The following TAOK3 variants were observed in gnomAD, a reference collection of about 807,000 sequenced individuals.
TAOK3 encodes the protein TAO kinase 3, also known as serine/threonine-protein kinase TAO3.
Under a neutral mutation model 120.4 loss-of-function variants are expected in TAOK3, and 40 were observed. That is an observed-to-expected ratio of 0.33 (90% CI 0.26 to 0.43). The LOEUF (loss-of-function observed/expected upper bound fraction) is 0.43. Ranked by LOEUF, TAOK3 falls within the 20% of genes least tolerant of loss-of-function variation. TAOK3 has a pLI of 1.00. For missense variants in TAOK3, 821 were observed against 1,112.1 expected (o/e 0.74, Z 3.72); for synonymous variants, 355 against 387.5 (o/e 0.92, Z 0.99).
chr12:118,299,566 G>C (rs1460503438), intron 1 of TAOK3, among the ~76,000 whole-genome samples: 1 of 152,138 alleles, frequency 6.6e-6, no homozygotes, highest in African/African-American at 2.4e-5. Context: ...ATGGAGTGCA[G>C]TGGCTCGATC....
intron 1 of TAOK3, among the ~76,000 whole-genome samples, chr12:118,314,406 C>T (rs570002170): frequency 1.3e-5 from 2 of 152,196 alleles, no homozygotes; most frequent in African/African-American, 4.8e-5. Context: ...AACTCTAAAA[C>T]AATATCGTGA....
intron 1 of TAOK3, among the ~76,000 whole-genome samples, chr12:118,367,324 G>C (rs2045765522): frequency 6.6e-6 from 1 of 151,654 alleles, no homozygotes; most frequent in African/African-American, 2.4e-5. Context: ...GTATTATGTT[G>C]ATTTATAAAG....
At chr12:118,297,546 C>T (rs2042728278) in intron 1 of TAOK3, among the ~76,000 whole-genome samples, 1 of 152,140 alleles carries the variant, frequency 6.6e-6, no homozygotes, top group South Asian at 2.1e-4. Context: ...CTTGTAGTGA[C>T]CAGCACCAGA....
chr12:118,284,994 G>A (rs1285978534), intron 1 of TAOK3, among the ~76,000 whole-genome samples: 1 of 149,510 alleles, frequency 6.7e-6, no homozygotes, highest in Non-Finnish European at 1.5e-5. Context: ...GATTACTCTG[G>A]CTTTTGCTTC....
chr12:118,174,820 A>G (rs931172398), intron 16 of TAOK3, among the ~76,000 whole-genome samples: 4 of 151,950 alleles, frequency 2.6e-5, no homozygotes, highest in African/African-American at 9.7e-5. Context: ...CCCGCCATCA[A>G]GCTCAGCTAA....
intron 9 of TAOK3, 28 bp from the exon 10 acceptor site, chr12:118,214,138 T>C: frequency 6.4e-7 from 1 of 1,574,780 alleles, no homozygotes; most frequent in Non-Finnish European, 8.6e-7. Context: ...CACAATAAAG[T>C]AGTTCTTGAA....
Position 118,246,511 on chromosome 12 carries a change from G to A in TAOK3, c.121-1546C>T, listed in dbSNP as rs1002463752. On this transcript the variant is annotated intron_variant, in intron 3 of 20. Transcript: ENST00000392533. ...GGCCACGTCGGTCTGGGTGTTAAGTGCTCCAAGGAGGTGGCCACCGCCATC... is the reference window on the plus strand; with the variant it reads ...GGCCACGTCGGTCTGGGTGTTAAGTACTCCAAGGAGGTGGCCACCGCCATC... The A allele has an allele frequency of 1.1e-5, 17 of 1,565,400 alleles. No individual in the cohort carries two copies. The African/African-American group carries it at 1.2e-4, about 11-fold the overall frequency.
At chr12:118,181,645 T>C (rs757654243) in intron 14 of TAOK3, 38 bp from the exon 15 acceptor site, 3 of 1,574,296 alleles carry the variant, frequency 1.9e-6, no homozygotes, top group Non-Finnish European at 2.6e-6. Flanking sequence ...GGTAACCAGG[T>C]TCATGGGAGA....
intron 17 of TAOK3, among the ~76,000 whole-genome samples, chr12:118,165,089 G>A (rs2138485084): frequency 6.6e-6 from 1 of 152,110 alleles, no homozygotes; most frequent in East Asian, 1.9e-4. Flanking sequence ...TTTGTTTTAA[G>A]GAATAAAAAA....
At chr12:118,230,467 T>TG (rs1377784498) in intron 9 of TAOK3, among the ~76,000 whole-genome samples, 1 of 121,960 alleles carries the variant, frequency 8.2e-6, no homozygotes, top group Non-Finnish European at 1.7e-5. Flanking sequence ...AGTGTTTTTT[T>TG]TTTTTTTTTT....
At chr12:118,237,968 T>C (rs1375897117) in intron 7 of TAOK3, 105 bp downstream of exon 7, 4 of 694,778 alleles carry the variant, frequency 5.8e-6, no homozygotes, top group Non-Finnish European at 7.4e-6. Context: ...TTGCTTCCCA[T>C]GAATGCTTAG....
intron 1 of TAOK3, among the ~76,000 whole-genome samples, chr12:118,333,582 C>T (rs544817708): frequency 2.0e-5 from 3 of 150,898 alleles, no homozygotes; most frequent in Admixed American, 6.6e-5. Context: ...AATCCTAGAA[C>T]AGGAAGAGCA....
intron 1 of TAOK3, among the ~76,000 whole-genome samples, chr12:118,324,550 C>CT (rs1299515860): frequency 1.9e-4 from 29 of 151,896 alleles, no homozygotes; most frequent in Non-Finnish European, 3.7e-4. Flanking sequence ...GTCTTCCCTG[C>CT]TATCCTTTCC....
At chr12:118,281,150 G>A (rs1325409871) in intron 1 of TAOK3, among the ~76,000 whole-genome samples, 1 of 152,216 alleles carries the variant, frequency 6.6e-6, no homozygotes, top group African/African-American at 2.4e-5. Flanking sequence ...AACAGGGATA[G>A]TTTGACTTTC....
chr12:118,351,895 G>A (rs147194264), intron 1 of TAOK3, among the ~76,000 whole-genome samples: 1,755 of 130,776 alleles, frequency 0.013, 39 homozygotes, highest in African/African-American at 0.048. Context: ...TTTTTTAGTG[G>A]CGGAGTCTCC....
At chr12:118,322,278 AC>A (rs2043740353) in intron 1 of TAOK3, among the ~76,000 whole-genome samples, 1 of 147,202 alleles carries the variant, frequency 6.8e-6, no homozygotes, top group Admixed American at 7.0e-5. Context: ...TCGCGCCACT[AC>A]ACTCCAGCCT....
intron 1 of TAOK3, among the ~76,000 whole-genome samples, chr12:118,348,148 A>G (rs1323124793): frequency 6.6e-6 from 1 of 152,010 alleles, no homozygotes; most frequent in African/African-American, 2.4e-5. Flanking sequence ...ACTCAGTTCA[A>G]ACTCCATCTC....
At chr12:118,343,409 A>T (rs2044712677) in intron 1 of TAOK3, among the ~76,000 whole-genome samples, 2 of 150,468 alleles carry the variant, frequency 1.3e-5, no homozygotes, top group South Asian at 4.3e-4. Context: ...CCTAGGCGAC[A>T]GAGTGAGTCC....
intron 3 of TAOK3, among the ~76,000 whole-genome samples, chr12:118,254,757 C>CT (rs1234826929): frequency 4.7e-4 from 69 of 147,030 alleles, no homozygotes; most frequent in South Asian, 1.1e-3. Context: ...AAGCTCTTAA[C>CT]TTTTTTTTTT....
Sources: gnomAD v4.1 joint callset for allele counts (sites outside exome capture counted in the v4.1 genomes callset) on GRCh38, gnomAD v4.1.1 for gene constraint, MANE v1.5 for transcripts, NCBI Gene and HGNC (gene_info 2026-07-23, HGNC 2026-07-21) for gene names.